The following PTPRC variants were observed in gnomAD, a reference collection of about 807,000 sequenced individuals.
PTPRC encodes the protein receptor-type tyrosine-protein phosphatase C.
Under a neutral mutation model 155.9 loss-of-function variants are expected in PTPRC, and 44 were observed. That is an observed-to-expected ratio of 0.28 (90% CI 0.22 to 0.36). The LOEUF (loss-of-function observed/expected upper bound fraction) is 0.36. PTPRC is among the 10% of genes least tolerant of loss of function. PTPRC has a pLI of 1.00. For synonymous variants in PTPRC, 525 were observed against 533.1 expected (o/e 0.98, Z 0.21); for missense variants, 1,401 against 1,564.6 (o/e 0.90, Z 1.76).
chr1:198,731,410 A>T lies in PTPRC; in HGVS notation c.1865-207A>T, dbSNP rs972350376. ...AGAACATTCTAGTAGAGAGAACAAT[A>T]TAAAGCCCAGAAGAGATCTGAAGTA... On this transcript the variant is annotated intron_variant, in intron 17 of 32. Transcript: ENST00000442510. Among the ~76,000 whole-genome samples, 4 of 152,056 alleles carry T rather than the reference A, an allele frequency of 2.6e-5. No individual in the cohort carries two copies. In the South Asian group the frequency reaches 8.3e-4, roughly 32 times the overall value.
Position 198,697,574 on chromosome 1 carries a change from T to C in PTPRC, c.298+665T>C, listed in dbSNP as rs144704972. On this transcript the variant is annotated intron_variant, in intron 4 of 32. Coordinates refer to ENST00000442510, the MANE Select transcript of PTPRC (RefSeq NM_002838.5). ...CTATGCTCCTTAGAATACTGATATATGTATATGCTCATTTAATGTTTAGCA... is the reference window on the plus strand; with the variant it reads ...CTATGCTCCTTAGAATACTGATATACGTATATGCTCATTTAATGTTTAGCA... 5.4e-3 allele frequency among the ~76,000 whole-genome samples: 821 copies of C among 152,328 alleles called. 6 individuals are homozygous for C. Among genetic ancestry groups the C allele is most frequent in the Middle Eastern group, 0.014 (4 of 294 alleles).
At chr1:198,743,978 G>A (rs1366426890) in intron 25 of PTPRC, 76 bp from the exon 26 acceptor site, 2 of 1,375,218 alleles carry the variant, frequency 1.5e-6, no homozygotes, top group Non-Finnish European at 2.1e-6. Context: ...TATGGGGAAT[G>A]TATATTTTAT....
At chr1:198,737,225 T>G (rs1005232581) in intron 23 of PTPRC, among the ~76,000 whole-genome samples, 4 of 151,762 alleles carry the variant, frequency 2.6e-5, no homozygotes, top group African/African-American at 9.7e-5. Flanking sequence ...TTTGCTATGG[T>G]TGCCTGTGCT....
intron 23 of PTPRC, among the ~76,000 whole-genome samples, chr1:198,739,072 A>AGAT (rs925090953): frequency 3.3e-5 from 5 of 151,818 alleles, no homozygotes; most frequent in Non-Finnish European, 5.9e-5. Context: ...AGCATTCAAC[A>AGAT]GATACATAAA....
intron 2 of PTPRC, among the ~76,000 whole-genome samples, chr1:198,664,147 C>G (rs1664141432): frequency 6.6e-6 from 1 of 152,024 alleles, no homozygotes; most frequent in Non-Finnish European, 1.5e-5. Flanking sequence ...GAAAATTGGT[C>G]TTTGAATAAT....
chr1:198,686,358 C>A (rs1284765229), intron 2 of PTPRC, among the ~76,000 whole-genome samples: 1 of 151,854 alleles, frequency 6.6e-6, no homozygotes, highest in Non-Finnish European at 1.5e-5. Flanking sequence ...ACTCCTTTGA[C>A]TAAATAATGA....
intron 2 of PTPRC, among the ~76,000 whole-genome samples, chr1:198,691,551 C>T (rs949647253): frequency 2.6e-5 from 4 of 151,994 alleles, no homozygotes; most frequent in African/African-American, 4.8e-5. Context: ...GATTTTCCTG[C>T]CCCCACCTTT....
intron 2 of PTPRC, among the ~76,000 whole-genome samples, chr1:198,665,053 G>C (rs1224045333): frequency 6.6e-6 from 1 of 151,496 alleles, no homozygotes; most frequent in Middle Eastern, 3.2e-3. Flanking sequence ...CAAGGGGTGG[G>C]GAGTGTTTTT....
Position 198,744,134 on chromosome 1 carries a change from T to A in PTPRC, c.2778T>A (p.His926Gln), listed in dbSNP as rs373417813. The A allele has an allele frequency of 2.2e-5, 35 of 1,605,298 alleles. No individual in the cohort carries two copies. The African/African-American group carries it at 3.9e-4, about 18-fold the overall frequency. Residue 926 changes from histidine to glutamine, a missense_variant, in exon 26 of 33, where the codon CAT (histidine) becomes CAA (glutamine). By Grantham distance (24) the His-to-Gln change is conservative. Coordinates refer to ENST00000442510, the MANE Select transcript of PTPRC (RefSeq NM_002838.5). Reference sequence around the variant, plus strand: ...CAGAAGTGAATTTGTCTGAATTACATCCATATCTACATAACATGAAGAAAA... The same window carrying A: ...CAGAAGTGAATTTGTCTGAATTACAACCATATCTACATAACATGAAGAAAA... ...GETEVNLSEL[H>Q]PYLHNMKKRD...
In PTPRC at chr1:198,676,038, C is replaced by T. The variant is rs946668425; in HGVS notation, c.74-16309C>T. Among the ~76,000 whole-genome samples the T allele has an allele frequency of 1.4e-4, 22 of 152,076 alleles. 1 individual carries two copies. The highest frequency in any genetic ancestry group is 2.5e-4 in the Non-Finnish European group (17 of 67,994). ...TAAAATAAATGTTTGAAATGAAAAC[C>T]AGACCAATAATGAATAATTTTACTT... On this transcript the variant is annotated intron_variant, in intron 2 of 32. Coordinates refer to ENST00000442510, the MANE Select transcript of PTPRC (RefSeq NM_002838.5).
In PTPRC at chr1:198,706,885, G is replaced by T; in HGVS notation, c.837G>T (p.Ala279=). Residue 279 remains alanine, a synonymous_variant, in exon 9 of 33, where the codon GCG becomes GCT. Coordinates refer to ENST00000442510, the MANE Select transcript of PTPRC (RefSeq NM_002838.5). ...ATAACCTTACAGAATGTAAAAATGC[G>T]TCTGTTTCCATATCTCATAATTCAT... ...EVHNLTECKN[A]SVSISHNSCT... is the part of the protein sequence containing the mutation. 1.9e-6 allele frequency: 3 copies of T among 1,613,578 alleles called. No individual in the cohort carries two copies. Among genetic ancestry groups the T allele is most frequent in the Non-Finnish European group, 1.7e-6 (2 of 1,179,546 alleles).
chr1:198,694,119 G>A, intron 3 of PTPRC: 1 of 1,545,250 alleles, frequency 6.5e-7, no homozygotes, highest in African/African-American at 1.4e-5. Context: ...AAAGGCCCGA[G>A]AGCCCCTCAC....
chr1:198,752,422 G>A, intron 30 of PTPRC, 51 bp downstream of exon 30: 1 of 1,600,006 alleles, frequency 6.2e-7, no homozygotes, highest in Non-Finnish European at 8.6e-7. Flanking sequence ...GGATCTGGTA[G>A]CAAAATGAAT....
intron 2 of PTPRC, among the ~76,000 whole-genome samples, chr1:198,671,129 A>T (rs928418081): frequency 6.6e-6 from 1 of 150,874 alleles, no homozygotes; most frequent in Non-Finnish European, 1.5e-5. Context: ...AAAAAAAAAA[A>T]ATTTTTCTAG....
chr1:198,707,285 C>A (rs1653034365), intron 9 of PTPRC, among the ~76,000 whole-genome samples: 1 of 152,096 alleles, frequency 6.6e-6, no homozygotes, highest in Non-Finnish European at 1.5e-5. Context: ...TATATATGTA[C>A]ATATATTTAT....
chr1:198,681,748 A>G (rs1665343736), intron 2 of PTPRC, among the ~76,000 whole-genome samples: 1 of 152,240 alleles, frequency 6.6e-6, no homozygotes, highest in Non-Finnish European at 1.5e-5. Context: ...TTAAAATATC[A>G]TTTGTGAGTG....
At chr1:198,662,923 C>A (rs189734841) in intron 2 of PTPRC, among the ~76,000 whole-genome samples, 1 of 152,170 alleles carries the variant, frequency 6.6e-6, no homozygotes, top group Non-Finnish European at 1.5e-5. Context: ...TCCCTCTCTG[C>A]AGTTGATGTA....
At chr1:198,662,556 A>G (rs917457313) in intron 2 of PTPRC, among the ~76,000 whole-genome samples, 2 of 151,932 alleles carry the variant, frequency 1.3e-5, no homozygotes, top group African/African-American at 4.8e-5. Context: ...GGAATGTTTT[A>G]ATAGAGTGGC....
chr1:198,724,544 A>C lies in PTPRC; in HGVS notation c.1720+2068A>C, dbSNP rs192241460. 7.2e-5 allele frequency among the ~76,000 whole-genome samples: 11 copies of C among 152,270 alleles called. No individual in the cohort carries two copies. In the East Asian group the frequency reaches 1.5e-3, roughly 21 times the overall value. ...ATTCTAATTCTCCCATACAAAAAAA[A>C]TTTTTATTCTGCTCTGGCACTTGTT... On this transcript the variant is annotated intron_variant, in intron 15 of 32. Coordinates refer to ENST00000442510, the MANE Select transcript of PTPRC (RefSeq NM_002838.5).
Sources: allele counts gnomAD v4.1 joint callset (sites outside exome capture counted in the v4.1 genomes callset), GRCh38; gene constraint gnomAD v4.1.1; transcripts MANE v1.5; gene names NCBI Gene and HGNC (gene_info 2026-07-23, HGNC 2026-07-21).